CD5: variants seen among roughly 807,000 people sequenced by gnomAD.
CD5 encodes CD5 molecule.
Under a neutral mutation model 60.3 loss-of-function variants are expected in CD5, and 36 were observed. The ratio of observed to expected loss-of-function variants is 0.60; its 90% CI spans 0.46 to 0.79. The LOEUF (loss-of-function observed/expected upper bound fraction) is 0.79. CD5 is among the 30% of genes least tolerant of loss of function. The probability of loss-of-function intolerance (pLI) is 0.00; values close to 1 mark genes in which losing one functional copy is unlikely to be tolerated. For missense variants in CD5, 540 were observed against 630.6 expected (o/e 0.86, Z 1.54); for synonymous variants, 230 against 257.6 (o/e 0.89, Z 1.03).
intron 6 of CD5, 34 bp from the exon 7 acceptor site, chr11:61,122,873 A>T: frequency 6.3e-7 from 1 of 1,590,384 alleles, no homozygotes; most frequent in Non-Finnish European, 8.6e-7. Context: ...TCCCCCCAGG[A>T]CTGGGACTGA....
rs1186474403 is a variant in CD5, at chr11:61,116,452, AAAC to A, written c.94+1360_94+1362del. ...CCACACCACACACACACACCACCAC[AAAC>A]ACCACACACACACCGCACACCACAT... is the stretch of plus-strand genomic sequence containing the variant. On this transcript the variant is annotated intron_variant, in intron 2 of 10. Transcript: ENST00000347785. Among the ~76,000 whole-genome samples, 3 of 122,388 alleles carry A rather than the reference AAAC, an allele frequency of 2.5e-5. No individual in the cohort carries two copies. In the East Asian group the frequency reaches 7.5e-4, roughly 31 times the overall value. The allele number at this position is 122,388 out of a possible 152,430, so 80.3% of individuals were successfully genotyped here.
upstream of CD5, chr11:61,102,387 G>A (rs1185997644): frequency 1.8e-5 from 11 of 603,164 alleles, no homozygotes; most frequent in Non-Finnish European, 3.2e-5. Context: ...GGAGGAAGTT[G>A]ACAGTTCAAC....
chr11:61,116,816 C>T (rs969799565), intron 2 of CD5, among the ~76,000 whole-genome samples: 9 of 148,336 alleles, frequency 6.1e-5, no homozygotes, highest in African/African-American at 2.2e-4. Context: ...ACACACCACA[C>T]ACACATACAA....
intron 1 of CD5, among the ~76,000 whole-genome samples, chr11:61,109,943 G>T (rs1004132988): frequency 1.3e-5 from 2 of 152,132 alleles, no homozygotes; most frequent in East Asian, 1.9e-4. Flanking sequence ...AGGCCTCGGG[G>T]GCCTCCTGGT....
In CD5 at chr11:61,122,993, G is replaced by T; in HGVS notation, c.1186G>T (p.Val396Leu). The change falls in exon 7 of 11, where the codon GTG becomes TTG. Residue 396 changes from valine (V) to leucine (L), a missense_variant. Transcript: ENST00000347785. ...GGTGCTCCTGGTGGTGCTGCTGGTC[G>T]TGTGCGGCCCCCTTGCCTACAAGAA... ...ALVLLVVLLV[V>L]CGPLAYKKLV... 1.2e-6 allele frequency: 2 copies of T among 1,613,998 alleles called. No individual in the cohort carries two copies. Among genetic ancestry groups the T allele is most frequent in the Non-Finnish European group, 8.5e-7 (1 of 1,179,924 alleles).
intron 5 of CD5, 80 bp from the exon 6 acceptor site, chr11:61,121,531 A>C: frequency 8.0e-7 from 1 of 1,254,996 alleles, no homozygotes; most frequent in South Asian, 2.1e-5. Flanking sequence ...CCGATTTGCC[A>C]GTGGCATGGG....
upstream of CD5, among the ~76,000 whole-genome samples, chr11:61,100,082 C>T (rs1236871326): frequency 2.3e-5 from 2 of 87,646 alleles, no homozygotes; most frequent in Non-Finnish European, 4.6e-5. Context: ...CACTCACACA[C>T]ATCAACATGG....
At chr11:61,114,087 C>T (rs1860899562) in intron 1 of CD5, among the ~76,000 whole-genome samples, 1 of 152,154 alleles carries the variant, frequency 6.6e-6, no homozygotes, top group Admixed American at 6.5e-5. Context: ...TCAGTGCATT[C>T]TGACATTCTC....
chr11:61,114,457 T>C (rs893151959), intron 1 of CD5, among the ~76,000 whole-genome samples: 1 of 151,834 alleles, frequency 6.6e-6, no homozygotes, highest in Non-Finnish European at 1.5e-5. Context: ...CATACATGCA[T>C]ACATACATAC....
At chr11:61,102,162 C>T (rs1005033639), upstream of CD5, among the ~76,000 whole-genome samples, 4 of 152,208 alleles carry the variant, frequency 2.6e-5, no homozygotes, top group African/African-American at 4.8e-5. Context: ...GCCTCAGGGA[C>T]GCCTGTCCTC....
chr11:61,109,940 G>A (rs891000405), intron 1 of CD5, among the ~76,000 whole-genome samples: 10 of 152,102 alleles, frequency 6.6e-5, no homozygotes, highest in Admixed American at 1.3e-4. Flanking sequence ...TCCAGGCCTC[G>A]GGGGCCTCCT....
chr11:61,121,386 G>A (rs1213579662), intron 5 of CD5, among the ~76,000 whole-genome samples: 1 of 152,272 alleles, frequency 6.6e-6, no homozygotes, highest in East Asian at 1.9e-4. Context: ...GGATGGTGCT[G>A]GCAGCTGCCC....
chr11:61,097,295 G>T, the CD5 span, among the ~76,000 whole-genome samples: 1 of 152,138 alleles, frequency 6.6e-6, no homozygotes, highest in Non-Finnish European at 1.5e-5. Context: ...TGGCTCAAAA[G>T]AATCACCCTG....
At chr11:61,120,988 G>A (rs1861050405) in intron 5 of CD5, among the ~76,000 whole-genome samples, 2 of 152,222 alleles carry the variant, frequency 1.3e-5, no homozygotes, top group South Asian at 2.1e-4. Flanking sequence ...TCTAAACTGA[G>A]CATGTGTGGG....
At chr11:61,107,473 T>A (rs1017848475) in intron 1 of CD5, among the ~76,000 whole-genome samples, 2 of 152,150 alleles carry the variant, frequency 1.3e-5, no homozygotes, top group African/African-American at 4.8e-5. Context: ...TAGAAGGAAA[T>A]ACTGTGTACA....
At chr11:61,095,526 T>A in the CD5 span, among the ~76,000 whole-genome samples, 3 of 152,220 alleles carry the variant, frequency 2.0e-5, no homozygotes, top group African/African-American at 7.2e-5. Context: ...GCTGCTCATG[T>A]ACCTCTTTAA....
chr11:61,125,895 G>A, intron 10 of CD5, 54 bp downstream of exon 10: 1 of 1,307,124 alleles, frequency 7.7e-7, no homozygotes, highest in African/African-American at 1.5e-5. Flanking sequence ...ACAGTCCTGG[G>A]GGTGAGCAGC....
At chr11:61,096,092 C>T in the CD5 span, among the ~76,000 whole-genome samples, 1 of 152,202 alleles carries the variant, frequency 6.6e-6, no homozygotes, top group Non-Finnish European at 1.5e-5. Flanking sequence ...GGCGAAACGC[C>T]GACTTACTGG....
At chr11:61,117,040 G>C (rs1421181855) in intron 2 of CD5, among the ~76,000 whole-genome samples, 1 of 152,206 alleles carries the variant, frequency 6.6e-6, no homozygotes, top group African/African-American at 2.4e-5. Flanking sequence ...GTATGTGAAT[G>C]TTCACAGCAG....
Sources: gnomAD v4.1 joint callset for allele counts (sites outside exome capture counted in the v4.1 genomes callset) on GRCh38, gnomAD v4.1.1 for gene constraint, MANE v1.5 for transcripts, NCBI Gene and HGNC (gene_info 2026-07-23, HGNC 2026-07-21) for gene names.